The following PLEKHG1 variants were observed in gnomAD, a reference collection of about 807,000 sequenced individuals.
PLEKHG1 encodes the protein pleckstrin homology domain-containing family G member 1.
Under a neutral mutation model 100.8 loss-of-function variants are expected in PLEKHG1, and 44 were observed. That is an observed-to-expected ratio of 0.44 (90% CI 0.34 to 0.56). The LOEUF is 0.56. Ranked by LOEUF, PLEKHG1 falls within the 20% of genes least tolerant of loss-of-function variation. The probability of loss-of-function intolerance (pLI) is 0.01; values close to 1 mark genes in which losing one functional copy is unlikely to be tolerated. For missense variants in PLEKHG1, 1,545 were observed against 1,720.9 expected, an observed-to-expected ratio of 0.90 and a Z score of 1.81; for synonymous variants, 640 against 662.5, an observed-to-expected ratio of 0.97 and a Z score of 0.52.
intron 2 of PLEKHG1, among the ~76,000 whole-genome samples, chr6:150,645,613 G>A (rs1778461182): frequency 6.6e-6 from 1 of 152,152 alleles, no homozygotes; most frequent in Non-Finnish European, 1.5e-5. Flanking sequence ...ATTTTTCACA[G>A]GGAAGGAAAC....
At chr6:150,677,041 C>T (rs1206126582) in intron 3 of PLEKHG1, among the ~76,000 whole-genome samples, 2 of 152,148 alleles carry the variant, frequency 1.3e-5, no homozygotes, top group Non-Finnish European at 2.9e-5. Context: ...TCTCCCTGCG[C>T]TGCCTTTATC....
At chr6:150,649,329 G>C (rs962632930) in intron 2 of PLEKHG1, among the ~76,000 whole-genome samples, 1 of 151,894 alleles carries the variant, frequency 6.6e-6, no homozygotes, top group South Asian at 2.1e-4. Context: ...TTTGGAATCC[G>C]GCACTCTAGT....
At chr6:150,806,217 A>G (rs1293436105) in intron 7 of PLEKHG1, among the ~76,000 whole-genome samples, 4 of 132,972 alleles carry the variant, frequency 3.0e-5, no homozygotes, top group African/African-American at 1.1e-4. Context: ...CTAATCTTCC[A>G]GGCTGCTTTT....
rs1391051531 is a variant in PLEKHG1, at chr6:150,683,986, C to A, written c.-99+33200C>A. 5.3e-6 allele frequency: 2 copies of A among 380,868 alleles called. No homozygotes were observed. The highest frequency in any genetic ancestry group is 9.8e-6 in the Non-Finnish European group (2 of 204,782). The allele number at this position is 380,868 out of a possible 1,614,324, so 23.6% of individuals were successfully genotyped here. A position where few individuals can be genotyped will look rare whatever the true frequency, so the allele number is the denominator to read the frequency against. ...GAAGGATAAAAGTATCAGGCAGCCT[C>A]CTCGGGCGGAGACCGCAGGTAGATG... On this transcript the variant is annotated intron_variant, in intron 3 of 3. Coordinates refer to the PLEKHG1 transcript ENST00000367326. This position sits in a 1 kb window ranked among gnomAD's most constrained non-coding sequence, Gnocchi z 4.0.
intron 2 of PLEKHG1, among the ~76,000 whole-genome samples, chr6:150,754,462 A>T (rs1783704572): frequency 6.6e-6 from 1 of 152,156 alleles, no homozygotes; most frequent in Non-Finnish European, 1.5e-5. Context: ...GTGGGGAATC[A>T]GACCCACAGT....
chr6:150,753,390 A>C (rs1321850736), intron 2 of PLEKHG1, among the ~76,000 whole-genome samples: 1 of 152,122 alleles, frequency 6.6e-6, no homozygotes, highest in Admixed American at 6.6e-5. Flanking sequence ...TTGGATCCAC[A>C]AGAAATGTTA....
At chr6:150,815,184 T>G (rs554117572) in intron 10 of PLEKHG1, among the ~76,000 whole-genome samples, 2 of 152,360 alleles carry the variant, frequency 1.3e-5, no homozygotes, top group South Asian at 4.1e-4. Context: ...GTGAAATGAA[T>G]GCATAGTGGG....
In PLEKHG1 at chr6:150,650,708, A is replaced by AT. The variant is rs1387337282; in HGVS notation, c.-157-14dup. On this transcript the variant is annotated intron_variant, in intron 2 of 3. Transcript: ENST00000367326. ...GCAATATTTAAGTAAAAAGCAATTT[A>AT]TTTTTTGTTTTTACTACAGGTGAAG... The AT allele has an allele frequency of 6.6e-6, 1 of 152,182 alleles. No homozygotes were observed. The highest frequency in any genetic ancestry group is 6.5e-5 in the Admixed American group (1 of 15,278). 9.4% of individuals were successfully genotyped at this position (152,182 alleles called of 1,614,324 possible).
intron 1 of PLEKHG1, among the ~76,000 whole-genome samples, chr6:150,724,558 CTTTTT>C (rs34140367): frequency 5.0e-5 from 5 of 100,482 alleles, no homozygotes; most frequent in Middle Eastern, 0.011. Flanking sequence ...TTTTCTTTTT[CTTTTT>C]TTTTTTTTTT....
intron 3 of PLEKHG1, chr6:150,663,550 TCTCTC>T (rs1284334695): frequency 4.9e-5 from 7 of 141,810 alleles, no homozygotes; most frequent in African/African-American, 1.6e-4. Flanking sequence ...TCTCTCTCTC[TCTCTC>T]TTTTTTTTTT....
intron 5 of PLEKHG1, among the ~76,000 whole-genome samples, chr6:150,796,821 GC>G (rs1411584196): frequency 2.6e-5 from 4 of 152,102 alleles, no homozygotes; most frequent in Non-Finnish European, 4.4e-5. Flanking sequence ...CTGATGAATG[GC>G]CCAGCTTGGA....
intron 2 of PLEKHG1, among the ~76,000 whole-genome samples, chr6:150,753,112 C>T (rs1783618158): frequency 6.6e-6 from 1 of 151,908 alleles, no homozygotes; most frequent in Non-Finnish European, 1.5e-5. Flanking sequence ...GAGCCTGTCT[C>T]AAAAAAATAA....
chr6:150,733,091 TAAAATC>T (rs1782356520), intron 1 of PLEKHG1, among the ~76,000 whole-genome samples: 2 of 152,252 alleles, frequency 1.3e-5, no homozygotes, highest in Non-Finnish European at 2.9e-5. Context: ...GTGAAATACT[TAAAATC>T]TAGATCAAGG....
intron 3 of PLEKHG1, among the ~76,000 whole-genome samples, chr6:150,662,149 G>A (rs1183766490): frequency 1.3e-5 from 2 of 152,060 alleles, no homozygotes; most frequent in Non-Finnish European, 2.9e-5. Flanking sequence ...AGAAGGCAGG[G>A]GATAAGGAAA....
intron 3 of PLEKHG1, among the ~76,000 whole-genome samples, chr6:150,698,942 T>C (rs1464865977): frequency 6.6e-6 from 1 of 152,252 alleles, no homozygotes; most frequent in East Asian, 1.9e-4. Context: ...TTAATATGTA[T>C]CGTTTTCTCA....
chr6:150,672,814 C>T (rs1417339585), intron 3 of PLEKHG1, among the ~76,000 whole-genome samples: 3 of 152,180 alleles, frequency 2.0e-5, no homozygotes, highest in African/African-American at 7.2e-5. Flanking sequence ...CTGATGCTCT[C>T]ATTTCTCTCA....
intron 2 of PLEKHG1, among the ~76,000 whole-genome samples, chr6:150,734,855 G>A (rs1782478284): frequency 1.3e-5 from 2 of 151,956 alleles, no homozygotes; most frequent in African/African-American, 4.8e-5. Flanking sequence ...CACATCCTCT[G>A]GAAATTCAAT....
chr6:150,804,588 C>A (rs803432), intron 6 of PLEKHG1, 22 bp from the exon 8 acceptor site: 409,437 of 1,162,052 alleles, frequency 0.35, 44,548 homozygotes, highest in East Asian at 0.39. Context: ...AAAAAAAAAA[C>A]CCTCGTTCTT....
At chr6:150,804,481 A>T (rs573827636) in intron 6 of PLEKHG1, 129 bp from the exon 8 acceptor site, 1 of 729,018 alleles carries the variant, frequency 1.4e-6, no homozygotes, top group East Asian at 3.3e-5. Flanking sequence ...CACCGCACCC[A>T]GCTGATAGTG....
Sources: gnomAD v4.1 joint callset for allele counts (sites outside exome capture counted in the v4.1 genomes callset) on GRCh38, gnomAD v4.1.1 for gene constraint, Gnocchi (gnomAD v3.1) non-coding constraint, MANE v1.5 for transcripts, NCBI Gene and HGNC (gene_info 2026-07-23, HGNC 2026-07-21) for gene names.